Variants in KIRREL3 observed in about 807,000 individuals in gnomAD.
The protein encoded by KIRREL3 is kin of IRRE-like protein 3.
A neutral mutation model predicts 89.7 loss-of-function variants in KIRREL3; 36 were observed. The observed-to-expected ratio is 0.40, with a 90% CI of 0.31 to 0.53. The LOEUF (loss-of-function observed/expected upper bound fraction) is 0.53. Among genes scored for constraint, KIRREL3 ranks in the 20% least tolerant of loss-of-function variants. KIRREL3 has a pLI of 0.49. For synonymous variants in KIRREL3, 445 were observed against 441.4 expected (o/e 1.01, Z -0.10); for missense variants, 864 against 1,056.6 (o/e 0.82, Z 2.53).
At chr11:126,637,912 A>G (rs1276415181) in intron 1 of KIRREL3, among the ~76,000 whole-genome samples, 2 of 152,228 alleles carry the variant, frequency 1.3e-5, no homozygotes, top group African/African-American at 4.8e-5. Context: ...GTACAGTGGA[A>G]AACATGCCAA....
At chr11:126,554,588 A>G (rs1939559363) in intron 2 of KIRREL3, among the ~76,000 whole-genome samples, 2 of 152,318 alleles carry the variant, frequency 1.3e-5, no homozygotes, top group East Asian at 3.9e-4. Context: ...CTAGGGGCAG[A>G]GAAGGTCACT....
chr11:126,695,936 T>C (rs1947074603), intron 1 of KIRREL3, among the ~76,000 whole-genome samples: 1 of 152,180 alleles, frequency 6.6e-6, no homozygotes, highest in Non-Finnish European at 1.5e-5. Context: ...CTGACACTGC[T>C]GCCTCCTCAT....
Position 126,923,198 on chromosome 11 carries a change from CTTCTTCTTCTTCTTCTTCTTCTTCT to C in KIRREL3, c.55+77232_55+77256del, listed in dbSNP as rs1947475606. Reference sequence around the variant, plus strand: ...CTTCTCTTCTTCTTCTCTTCTTCTTCTTCTTCTTCTTCTTCTTCTTCTTCTTCTTCTTCTTCTTCTTCTTCTTCTT... The same window carrying C: ...CTTCTCTTCTTCTTCTCTTCTTCTTCTCTTCTTCTTCTTCTTCTTCTTCTT... On this transcript the variant is annotated intron_variant, in intron 1 of 16. Coordinates refer to ENST00000525144, the MANE Select transcript of KIRREL3 (RefSeq NM_032531.4). Among the ~76,000 whole-genome samples the C allele has an allele frequency of 8.3e-4, 6 of 7,256 alleles. 1 individual carries two copies. The highest frequency in any genetic ancestry group is 1.2e-3 in the Non-Finnish European group (5 of 4,142). The allele number at this position is 7,256 out of a possible 152,430, so 4.8% of individuals were successfully genotyped here.
At position 126,624,086 on chromosome 11, in the gene KIRREL3, A is replaced by G. The variant is rs191847612; in HGVS notation, c.56-61174T>C. 3.2e-4 allele frequency among the ~76,000 whole-genome samples: 48 copies of G among 152,286 alleles called. No homozygotes were observed. The highest frequency in any genetic ancestry group is 1.1e-3 in the African/African-American group (47 of 41,560). On this transcript the variant is annotated intron_variant, in intron 1 of 16. Transcript: ENST00000525144. The surrounding 1 kb of genome is among the most constrained non-coding windows in gnomAD (Gnocchi z 6.0). ...GAAGGACCATCCTTGCTGGTGATGG[A>G]TGTTGATTTAGTGCTTTGAGATCCC...
At chr11:126,634,562 C>T (rs926652071) in intron 1 of KIRREL3, among the ~76,000 whole-genome samples, 9 of 152,072 alleles carry the variant, frequency 5.9e-5, no homozygotes, top group Non-Finnish European at 5.9e-5. Flanking sequence ...GAGAGGCTTG[C>T]GGGGAGCTTT....
At chr11:126,863,851 C>T (rs569369045) in intron 1 of KIRREL3, among the ~76,000 whole-genome samples, 1 of 152,294 alleles carries the variant, frequency 6.6e-6, no homozygotes, top group Non-Finnish European at 1.5e-5. Flanking sequence ...GCCTCCCTCC[C>T]GTGCCAAAGC....
Position 126,943,288 on chromosome 11 carries a change from A to T in KIRREL3, c.55+57167T>A, listed in dbSNP as rs1001821766. On this transcript the variant is annotated intron_variant, in intron 1 of 16. Coordinates refer to ENST00000525144, the MANE Select transcript of KIRREL3 (RefSeq NM_032531.4). The surrounding 1 kb of genome is among the most constrained non-coding windows in gnomAD (Gnocchi z 4.2). ...CTTCTCACTCACTCAATTACAGTTA[A>T]AGCCCTGTTCCAGGGAGGAGTGGAG... Among the ~76,000 whole-genome samples, 1 of 152,118 alleles carries T rather than the reference A, an allele frequency of 6.6e-6. No homozygotes were observed. Among genetic ancestry groups the T allele is most frequent in the East Asian group, 1.9e-4 (1 of 5,176 alleles).
chr11:126,551,341 G>T lies in KIRREL3; in HGVS notation c.133+11494C>A, dbSNP rs1227478100. On this transcript the variant is annotated intron_variant, in intron 2 of 16. Coordinates refer to ENST00000525144, the MANE Select transcript of KIRREL3 (RefSeq NM_032531.4). The surrounding 1 kb of genome is among the most constrained non-coding windows in gnomAD (Gnocchi z 4.9). Reference sequence around the variant, plus strand: ...AAGGTTAGAGTCCTGCGATGGGGCAGGGGAAAGGAGGGCCGGAGAGAGATC... The same window carrying T: ...AAGGTTAGAGTCCTGCGATGGGGCATGGGAAAGGAGGGCCGGAGAGAGATC... Among the ~76,000 whole-genome samples, 1 of 152,122 alleles carries T rather than the reference G, an allele frequency of 6.6e-6. No individual in the cohort carries two copies.
intron 4 of KIRREL3, among the ~76,000 whole-genome samples, chr11:126,503,944 T>C (rs940089310): frequency 6.6e-5 from 10 of 152,092 alleles, no homozygotes; most frequent in African/African-American, 2.4e-4. Flanking sequence ...GAGAAATAAA[T>C]GCTTGTTGTT....
intron 6 of KIRREL3, among the ~76,000 whole-genome samples, chr11:126,460,708 ATCT>A (rs1395241409): frequency 6.6e-6 from 1 of 152,144 alleles, no homozygotes; most frequent in Non-Finnish European, 1.5e-5. Context: ...CTGTTGAACG[ATCT>A]TCTGTGGGCA....
chr11:126,844,335 A>C lies in KIRREL3; in HGVS notation c.55+156120T>G, dbSNP rs1485452750. Reference sequence around the variant, plus strand: ...GACCACAGAAGGGACAATACTAAGGAAACCCCAGACCCAAAGGCTAACCTT... The same window carrying C: ...GACCACAGAAGGGACAATACTAAGGCAACCCCAGACCCAAAGGCTAACCTT... On this transcript the variant is annotated intron_variant, in intron 1 of 16. Transcript: ENST00000525144. This position sits in a 1 kb window ranked among gnomAD's most constrained non-coding sequence, Gnocchi z 4.8. Among the ~76,000 whole-genome samples, 1 of 152,160 alleles carries C rather than the reference A, an allele frequency of 6.6e-6. No individual in the cohort carries two copies.
intron 1 of KIRREL3, among the ~76,000 whole-genome samples, chr11:126,595,004 C>G (rs926592617): frequency 1.3e-5 from 2 of 152,242 alleles, no homozygotes; most frequent in African/African-American, 4.8e-5. Flanking sequence ...CGTGGGGCAC[C>G]CCGTCCTGAG....
At chr11:126,841,620 C>A (rs1010106397) in intron 1 of KIRREL3, among the ~76,000 whole-genome samples, 1 of 152,214 alleles carries the variant, frequency 6.6e-6, no homozygotes, top group African/African-American at 2.4e-5. Context: ...TCCCCAGGAC[C>A]AAGTTCCATA....
Position 126,647,513 on chromosome 11 carries a change from G to A in KIRREL3, c.56-84601C>T, listed in dbSNP as rs1041492549. Among the ~76,000 whole-genome samples, 2 of 152,134 alleles carry A rather than the reference G, an allele frequency of 1.3e-5. No individual in the cohort carries two copies. Among genetic ancestry groups the A allele is most frequent in the African/African-American group, 2.4e-5 (1 of 41,408 alleles). ...CGTTTACTCCTTTCATTCAGCAAACGTTTATCAGGCACCTTTTAGTGTAAG... is the reference window on the plus strand; with the variant it reads ...CGTTTACTCCTTTCATTCAGCAAACATTTATCAGGCACCTTTTAGTGTAAG... On this transcript the variant is annotated intron_variant, in intron 1 of 16. Transcript: ENST00000525144. This position sits in a 1 kb window ranked among gnomAD's most constrained non-coding sequence, Gnocchi z 4.9.
rs1949936578 is a variant in KIRREL3 at position 126,769,024 on chromosome 11, C to T, written c.56-206112G>A. 2.6e-5 allele frequency among the ~76,000 whole-genome samples: 4 copies of T among 152,196 alleles called. No homozygotes were observed. Among genetic ancestry groups the T allele is most frequent in the Admixed American group, 2.6e-4 (4 of 15,286 alleles). On this transcript the variant is annotated intron_variant, in intron 1 of 16. Coordinates refer to ENST00000525144, the MANE Select transcript of KIRREL3 (RefSeq NM_032531.4). The surrounding 1 kb of genome is among the most constrained non-coding windows in gnomAD (Gnocchi z 4.3). ...AATACACATTTCCGCAGCACATTTC[C>T]ATGCCTCTGCATAGGCTGTCCCCTG...
chr11:126,611,393 T>C lies in KIRREL3; in HGVS notation c.56-48481A>G, dbSNP rs1428187650. On this transcript the variant is annotated intron_variant, in intron 1 of 16. Coordinates refer to ENST00000525144, the MANE Select transcript of KIRREL3 (RefSeq NM_032531.4). This position sits in a 1 kb window ranked among gnomAD's most constrained non-coding sequence, Gnocchi z 4.7. ...CTGCTTTCACTCTTTGAGGGTGGTC[T>C]TTCTGATTGATCCATCAGTCTGCAT... is the stretch of plus-strand genomic sequence containing the variant. Among the ~76,000 whole-genome samples, 3 of 152,186 alleles carry C rather than the reference T, an allele frequency of 2.0e-5. No homozygotes were observed. Among genetic ancestry groups the C allele is most frequent in the African/African-American group, 4.8e-5 (2 of 41,454 alleles).
rs1378788003 is a variant in KIRREL3 at position 126,669,869 on chromosome 11, A to G, written c.56-106957T>C. Among the ~76,000 whole-genome samples, 1 of 152,074 alleles carries G rather than the reference A, an allele frequency of 6.6e-6. No homozygotes were observed. The highest frequency in any genetic ancestry group is 1.9e-4 in the East Asian group (1 of 5,192). On this transcript the variant is annotated intron_variant, in intron 1 of 16. Coordinates refer to ENST00000525144, the MANE Select transcript of KIRREL3 (RefSeq NM_032531.4). This position sits in a 1 kb window ranked among gnomAD's most constrained non-coding sequence, Gnocchi z 5.0. Reference sequence around the variant, plus strand: ...TTTGGAGGTCTAATAATTACCGAAAACTGTAACATGTACAAAACAGACTTG... The same window carrying G: ...TTTGGAGGTCTAATAATTACCGAAAGCTGTAACATGTACAAAACAGACTTG...
Position 126,515,639 on chromosome 11 carries a change from C to A in KIRREL3, c.433+5676G>T, listed in dbSNP as rs1217170452. Among the ~76,000 whole-genome samples, 2 of 152,148 alleles carry A rather than the reference C, an allele frequency of 1.3e-5. No individual in the cohort carries two copies. The highest frequency in any genetic ancestry group is 2.9e-5 in the Non-Finnish European group (2 of 68,026). ...CACAGTGTGAATGAGGGCCCAGAGG[C>A]TTGGTGAGCGGAAGGAGATGCCAGC... is the stretch of plus-strand genomic sequence containing the variant. On this transcript the variant is annotated intron_variant, in intron 4 of 16. Transcript: ENST00000525144. The surrounding 1 kb of genome is among the most constrained non-coding windows in gnomAD (Gnocchi z 4.2).
In KIRREL3 at chr11:126,965,754, G is replaced by T. The variant is rs1446881732; in HGVS notation, c.55+34701C>A. On this transcript the variant is annotated intron_variant, in intron 1 of 16. Coordinates refer to ENST00000525144, the MANE Select transcript of KIRREL3 (RefSeq NM_032531.4). The surrounding 1 kb of genome is among the most constrained non-coding windows in gnomAD (Gnocchi z 4.4). ...TTTTCCCGTGTTTTACGTTGGCCTT[G>T]TTGTTTTTCTCTGGAGAGTTAACAT... Among the ~76,000 whole-genome samples the T allele has an allele frequency of 6.6e-6, 1 of 152,162 alleles. No individual in the cohort carries two copies. The highest frequency in any genetic ancestry group is 1.5e-5 in the Non-Finnish European group (1 of 68,028).
Sources: gnomAD v4.1 joint callset for allele counts (sites outside exome capture counted in the v4.1 genomes callset) on GRCh38, gnomAD v4.1.1 for gene constraint, Gnocchi (gnomAD v3.1) non-coding constraint, MANE v1.5 for transcripts, NCBI Gene and HGNC (gene_info 2026-07-23, HGNC 2026-07-21) for gene names.